Variants in LGSN observed in about 807,000 individuals in gnomAD.
LGSN encodes the protein lengsin.
A neutral mutation model predicts 19.5 loss-of-function variants in LGSN; 21 were observed. The ratio of observed to expected loss-of-function variants is 1.07; its 90% CI spans 0.76 to 1.55. The LOEUF (loss-of-function observed/expected upper bound fraction) is 1.55. Among genes scored for constraint, LGSN ranks in the 40% most tolerant of loss-of-function variants. The probability of loss-of-function intolerance (pLI) is 0.00; values close to 1 mark genes in which losing one functional copy is unlikely to be tolerated. For missense variants in LGSN, 673 were observed against 608.5 expected, an observed-to-expected ratio of 1.11 and a Z score of -1.12; for synonymous variants, 257 against 215.6, an observed-to-expected ratio of 1.19 and a Z score of -1.68.
chr6:63,363,463 A>G, the LGSN span, among the ~76,000 whole-genome samples: 1 of 152,232 alleles, frequency 6.6e-6, no homozygotes, highest in African/African-American at 2.4e-5. Flanking sequence ...AAAAGATTAG[A>G]TGAATGGCCA....
At chr6:63,281,719 T>C (rs1407322014) in intron 3 of LGSN, among the ~76,000 whole-genome samples, 1 of 152,196 alleles carries the variant, frequency 6.6e-6, no homozygotes, top group Non-Finnish European at 1.5e-5. Context: ...TTGCAGACTA[T>C]GGTCAGTACT....
the LGSN span, among the ~76,000 whole-genome samples, chr6:63,482,278 G>C: frequency 6.6e-6 from 1 of 151,960 alleles, no homozygotes; most frequent in African/African-American, 2.4e-5. Context: ...AGATCATAGA[G>C]CAATTCCTGG....
chr6:63,513,172 A>G, the LGSN span, among the ~76,000 whole-genome samples: 1 of 152,154 alleles, frequency 6.6e-6, no homozygotes, highest in Non-Finnish European at 1.5e-5. Flanking sequence ...CATAGCTGTC[A>G]TAGTTCTAAA....
the LGSN span, among the ~76,000 whole-genome samples, chr6:63,404,126 A>G: frequency 5.3e-5 from 8 of 152,236 alleles, no homozygotes; most frequent in African/African-American, 1.4e-4. Context: ...AGCCTATGAG[A>G]CCTTAAGCGA....
At chr6:63,529,944 A>G in the LGSN span, among the ~76,000 whole-genome samples, 1 of 152,182 alleles carries the variant, frequency 6.6e-6, no homozygotes, top group African/African-American at 2.4e-5. Flanking sequence ...TGCCATTACA[A>G]ATAGTTATGT....
chr6:63,483,398 C>G, the LGSN span, among the ~76,000 whole-genome samples: 2 of 148,172 alleles, frequency 1.3e-5, no homozygotes, highest in African/African-American at 5.0e-5. Context: ...CAGAGTTTCA[C>G]TTTGCCACCC....
chr6:63,279,900 A>G lies in LGSN; in HGVS notation c.*121T>C. On this transcript the variant is annotated 3_prime_UTR_variant, in exon 4 of 4. Transcript: ENST00000370657. ...TATTCCATGGACAAAAAAAAAAGTC[A>G]AAAGCATTCGTAATCTTGTTATTGT... The G allele has an allele frequency of 1.0e-6, 1 of 987,994 alleles. No individual in the cohort carries two copies. Among genetic ancestry groups the G allele is most frequent in the Non-Finnish European group, 1.5e-6 (1 of 664,526 alleles). 61.2% of individuals were successfully genotyped at this position (987,994 alleles called of 1,614,324 possible).
chr6:63,539,176 G>C, the LGSN span, among the ~76,000 whole-genome samples: 4 of 152,138 alleles, frequency 2.6e-5, no homozygotes, highest in Non-Finnish European at 5.9e-5. Context: ...TTACAGTCAT[G>C]AGCCACCGTG....
chr6:63,412,552 A>AAGAAAGAAAGAAAG, the LGSN span, among the ~76,000 whole-genome samples: 25 of 140,150 alleles, frequency 1.8e-4, 1 homozygote, highest in African/African-American at 7.4e-4. Flanking sequence ...GAAAGAAAGA[A>AAGAAAGAAAGAAAG]AGAAAGAAAG....
At chr6:63,293,202 G>C (rs1012632494) in intron 2 of LGSN, among the ~76,000 whole-genome samples, 1 of 152,180 alleles carries the variant, frequency 6.6e-6, no homozygotes, top group Admixed American at 6.5e-5. Flanking sequence ...TGCCTATGTT[G>C]CCCAGGCTGG....
chr6:63,441,337 AC>A, the LGSN span: 1 of 476,570 alleles, frequency 2.1e-6, no homozygotes, highest in South Asian at 1.9e-5. Flanking sequence ...AACCTCCAGC[AC>A]CTGGCTCTCC....
the LGSN span, among the ~76,000 whole-genome samples, chr6:63,442,132 T>C: frequency 9.9e-5 from 15 of 152,158 alleles, no homozygotes; most frequent in African/African-American, 3.6e-4. Context: ...GTTCCTCATG[T>C]CCGGAGTTGT....
the LGSN span, among the ~76,000 whole-genome samples, chr6:63,400,765 G>A: frequency 3.0e-4 from 46 of 152,296 alleles, no homozygotes; most frequent in African/African-American, 1.1e-3. Flanking sequence ...AGACTGAAGC[G>A]GGTGGATCAC....
chr6:63,438,202 C>T, the LGSN span, among the ~76,000 whole-genome samples: 1 of 151,848 alleles, frequency 6.6e-6, no homozygotes, highest in Admixed American at 6.6e-5. Context: ...CACTTGAGGT[C>T]AAGAGTTTGA....
chr6:63,418,689 T>C, the LGSN span, among the ~76,000 whole-genome samples: 1 of 152,146 alleles, frequency 6.6e-6, no homozygotes, highest in Non-Finnish European at 1.5e-5. Context: ...ATTTTCTTTT[T>C]GTCTCATGTA....
chr6:63,391,673 T>A, the LGSN span, among the ~76,000 whole-genome samples: 1 of 152,192 alleles, frequency 6.6e-6, no homozygotes, highest in Non-Finnish European at 1.5e-5. Context: ...TTAGTCAACA[T>A]CCAATATTGA....
chr6:63,556,013 C>T, the LGSN span, among the ~76,000 whole-genome samples: 4 of 152,068 alleles, frequency 2.6e-5, no homozygotes, highest in African/African-American at 7.2e-5. Flanking sequence ...TAATATTATT[C>T]AGCCTTTCTT....
chr6:63,333,576 G>GAGAA, the LGSN span, among the ~76,000 whole-genome samples: 375 of 124,702 alleles, frequency 3.0e-3, 3 homozygotes, highest in African/African-American at 0.011. Flanking sequence ...GAGAGAGAGA[G>GAGAA]AGGAAGGAAG....
chr6:63,333,366 AT>A, the LGSN span, among the ~76,000 whole-genome samples: 2 of 151,406 alleles, frequency 1.3e-5, no homozygotes, highest in African/African-American at 4.9e-5. Context: ...AAGGAAGGAA[AT>A]TCTCCCTAAG....
Sources: allele counts gnomAD v4.1 joint callset (sites outside exome capture counted in the v4.1 genomes callset), GRCh38; gene constraint gnomAD v4.1.1; transcripts MANE v1.5; gene names NCBI Gene and HGNC (gene_info 2026-07-23, HGNC 2026-07-21).